CHID1: variants seen among roughly 807,000 people sequenced by gnomAD.
The protein encoded by CHID1 is chitinase domain containing 1.
A neutral mutation model predicts 55.4 loss-of-function variants in CHID1; 44 were observed. The ratio of observed to expected loss-of-function variants is 0.79; its 90% CI spans 0.62 to 1.02. The LOEUF (loss-of-function observed/expected upper bound fraction) is 1.02, where lower values mean the gene tolerates loss of function less well. Ranked by LOEUF, CHID1 falls within the 50% of genes least tolerant of loss-of-function variation. CHID1 has a pLI of 0.00. For synonymous variants in CHID1, 216 were observed against 212.9 expected, an observed-to-expected ratio of 1.01 and a Z score of -0.13; for missense variants, 491 against 515.3, an observed-to-expected ratio of 0.95 and a Z score of 0.46.
chr11:875,961 C>T lies in CHID1; in HGVS notation c.960-5462G>A, dbSNP rs987313837. 1.3e-5 allele frequency among the ~76,000 whole-genome samples: 2 copies of T among 152,062 alleles called. No homozygotes were observed. The highest frequency in any genetic ancestry group is 4.8e-5 in the African/African-American group (2 of 41,392). ...ACTGGCTGGTGTGGGTGGCAGGCGCCGCATTGCTTGGCGGTGCACGTGGTG... is the reference window on the plus strand; with the variant it reads ...ACTGGCTGGTGTGGGTGGCAGGCGCTGCATTGCTTGGCGGTGCACGTGGTG... On this transcript the variant is annotated intron_variant, in intron 10 of 12. Coordinates refer to ENST00000323578, the MANE Select transcript of CHID1 (RefSeq NM_023947.4). This position sits in a 1 kb window ranked among gnomAD's most constrained non-coding sequence, Gnocchi z 4.7.
intron 8 of CHID1, among the ~76,000 whole-genome samples, chr11:893,050 T>C (rs1308801522): frequency 6.6e-6 from 1 of 152,180 alleles, no homozygotes; most frequent in East Asian, 1.9e-4. Flanking sequence ...GGCTGGCAGC[T>C]TTCCAGAGTG....
intron 1 of CHID1, among the ~76,000 whole-genome samples, chr11:910,189 A>AC (rs1402586989): frequency 6.6e-6 from 1 of 152,058 alleles, no homozygotes; most frequent in Non-Finnish European, 1.5e-5. Flanking sequence ...TCCAGTTTGG[A>AC]CAGTCAGCAA....
At chr11:870,330 C>A in intron 11 of CHID1, 89 bp downstream of exon 11, 1 of 1,351,448 alleles carries the variant, frequency 7.4e-7, no homozygotes. Flanking sequence ...CCCTGAGACC[C>A]CCTGGGCCCT....
At chr11:896,959 AAC>A (rs2134279942) in intron 7 of CHID1, among the ~76,000 whole-genome samples, 1 of 44,516 alleles carries the variant, frequency 2.2e-5, no homozygotes, top group African/African-American at 1.1e-4. Context: ...CCCCAGACAC[AAC>A]GAGCCTGTCT....
At chr11:901,051 G>A (rs936387927) in intron 4 of CHID1, 71 bp from the exon 5 acceptor site, 68 of 1,427,464 alleles carry the variant, frequency 4.8e-5, no homozygotes, top group Non-Finnish European at 6.5e-5. Flanking sequence ...TACCTGAGGA[G>A]GAAAACGTGG....
At chr11:911,380 G>T (rs1243364853), upstream of CHID1, 1 of 152,296 alleles carries the variant, frequency 6.6e-6, no homozygotes, top group Non-Finnish European at 1.5e-5. Flanking sequence ...GGAGCCCCAG[G>T]AGGCAAACCA....
chr11:893,656 C>G, intron 7 of CHID1, 137 bp from the exon 8 acceptor site: 2 of 627,576 alleles, frequency 3.2e-6, no homozygotes, highest in East Asian at 2.9e-5. Context: ...TGGGCCCCTT[C>G]GTGGGAACTT....
upstream of CHID1, among the ~76,000 whole-genome samples, chr11:912,540 CCTGCATTGAAAA>C (rs1401079358): frequency 6.6e-6 from 1 of 152,040 alleles, no homozygotes; most frequent in African/African-American, 2.4e-5. Context: ...GCCCCGTGTA[CCTGCATTGAAAA>C]CTGACTTCTT....
chr11:895,027 G>C (rs1319802800), intron 7 of CHID1, among the ~76,000 whole-genome samples: 1 of 152,188 alleles, frequency 6.6e-6, no homozygotes, highest in East Asian at 1.9e-4. Flanking sequence ...CTCTGCAGCT[G>C]TGTCCACAAC....
At chr11:876,991 C>G (rs976521790) in intron 10 of CHID1, among the ~76,000 whole-genome samples, 1 of 152,140 alleles carries the variant, frequency 6.6e-6, no homozygotes, top group Admixed American at 6.5e-5. Context: ...CTCCTCTGTG[C>G]CACTCAGGCC....
chr11:885,387 G>A (rs1416756837), intron 8 of CHID1, among the ~76,000 whole-genome samples: 2 of 152,178 alleles, frequency 1.3e-5, no homozygotes, highest in African/African-American at 4.8e-5. Context: ...CCTCTGCTGA[G>A]CACAATGAGA....
chr11:879,688 T>C (rs1389114215), intron 10 of CHID1, among the ~76,000 whole-genome samples: 2 of 152,322 alleles, frequency 1.3e-5, no homozygotes, highest in East Asian at 3.9e-4. Flanking sequence ...TGAAGACTAG[T>C]GCGGTGGCGA....
At chr11:870,360 C>A in intron 11 of CHID1, 59 bp downstream of exon 11, 6 of 1,454,982 alleles carry the variant, frequency 4.1e-6, no homozygotes, top group Middle Eastern at 1.7e-4. Context: ...TCATCTCCAC[C>A]CCCAGGGCCC....
rs1296069146 is a variant in CHID1 at position 902,940 on chromosome 11, C to T, written c.261+22G>A. ...ACCTGAGCCTCAGGACCTCCCTCTG[C>T]ACTGTGAGGGCCCCAACTTACTGGA... On this transcript the variant is annotated intron_variant, in intron 3 of 12. Coordinates refer to ENST00000323578, the MANE Select transcript of CHID1 (RefSeq NM_023947.4). 5 of 1,610,370 alleles carry T rather than the reference C, an allele frequency of 3.1e-6. No individual in the cohort carries two copies. The East Asian group carries it at 6.7e-5, about 22-fold the overall frequency.
At chr11:904,583 G>A (rs926570326) in intron 2 of CHID1, 123 bp downstream of exon 2, 15 of 1,131,108 alleles carry the variant, frequency 1.3e-5, no homozygotes, top group Non-Finnish European at 1.8e-5. Context: ...CTCATCAGGT[G>A]CCTTTGTGAG....
intron 10 of CHID1, among the ~76,000 whole-genome samples, chr11:881,919 G>C (rs952892829): frequency 2.6e-5 from 4 of 151,280 alleles, no homozygotes; most frequent in Admixed American, 2.6e-4. Context: ...TGGGAGGATG[G>C]CTTCAGCCCA....
At chr11:890,911 G>A (rs1013990874) in intron 8 of CHID1, among the ~76,000 whole-genome samples, 1 of 152,146 alleles carries the variant, frequency 6.6e-6, no homozygotes, top group Non-Finnish European at 1.5e-5. Context: ...CCCGCAGCAC[G>A]CAGACCTCTC....
chr11:904,920 C>A, intron 1 of CHID1, 61 bp from the exon 2 acceptor site: 1 of 1,563,246 alleles, frequency 6.4e-7, no homozygotes, highest in Non-Finnish European at 8.7e-7. Flanking sequence ...ATGGGCAACC[C>A]CTCTGCTGAT....
intron 7 of CHID1, among the ~76,000 whole-genome samples, chr11:893,837 TAAA>T (rs879432811): frequency 7.2e-6 from 1 of 138,952 alleles, no homozygotes; most frequent in Non-Finnish European, 1.6e-5. Flanking sequence ...CATGGCAGAT[TAAA>T]AAAAAAAAAA....
Sources: gnomAD v4.1 joint callset for allele counts (sites outside exome capture counted in the v4.1 genomes callset) on GRCh38, gnomAD v4.1.1 for gene constraint, Gnocchi (gnomAD v3.1) non-coding constraint, MANE v1.5 for transcripts, NCBI Gene and HGNC (gene_info 2026-07-23, HGNC 2026-07-21) for gene names.